Variants in CCDC149 observed in about 807,000 individuals in gnomAD.
CCDC149 encodes the protein coiled-coil domain-containing protein 149.
CCDC149 carries 45 observed loss-of-function variants against 59.9 expected under a neutral mutation model. The ratio of observed to expected loss-of-function variants is 0.75; its 90% CI spans 0.59 to 0.96. The LOEUF is 0.96. Among genes scored for constraint, CCDC149 ranks in the 40% least tolerant of loss-of-function variants. The pLI is 0.00. For missense variants in CCDC149, 584 were observed against 664.7 expected, an observed-to-expected ratio of 0.88 and a Z score of 1.33; for synonymous variants, 245 against 260.6, an observed-to-expected ratio of 0.94 and a Z score of 0.58.
intron 9 of CCDC149, among the ~76,000 whole-genome samples, chr4:24,826,431 G>A (rs1206940058): frequency 6.6e-6 from 1 of 152,178 alleles, no homozygotes; most frequent in African/African-American, 2.4e-5. Context: ...GGGATGCAGG[G>A]GTGCTACAGG....
intron 1 of CCDC149, among the ~76,000 whole-genome samples, chr4:24,877,331 G>A (rs1292339432): frequency 2.0e-5 from 3 of 152,098 alleles, no homozygotes; most frequent in Middle Eastern, 3.4e-3. Flanking sequence ...GAATACAGAC[G>A]CGTACCACCA....
chr4:24,926,197 G>A (rs952385875), intron 1 of CCDC149, among the ~76,000 whole-genome samples: 4 of 151,220 alleles, frequency 2.6e-5, no homozygotes, highest in African/African-American at 9.7e-5. Flanking sequence ...ACTCCATCTC[G>A]AAAAAAAAGA....
Position 24,836,430 on chromosome 4 carries a change from T to C in CCDC149, c.735+6A>G, listed in dbSNP as rs1234081527. 6.3e-7 allele frequency: 1 copy of C among 1,589,274 alleles called. No homozygotes were observed. The highest frequency in any genetic ancestry group is 8.6e-7 in the Non-Finnish European group (1 of 1,157,382). The stretch of plus-strand genomic sequence containing the variant: ...ATCACCATCACTGTCATCATGATTT[T>C]GCTACCTTGTATTTGGCAATGTTTG... On this transcript the variant is annotated splice_donor_region_variant and intron_variant, in intron 7 of 12. Transcript: ENST00000635206.
intron 1 of CCDC149, among the ~76,000 whole-genome samples, chr4:24,959,388 C>T (rs1359379595): frequency 6.6e-6 from 1 of 152,150 alleles, no homozygotes; most frequent in African/African-American, 2.4e-5. Context: ...TGATTATTCT[C>T]CTTGATATGA....
At chr4:24,893,221 C>T (rs2109289876) in intron 1 of CCDC149, among the ~76,000 whole-genome samples, 1 of 152,274 alleles carries the variant, frequency 6.6e-6, no homozygotes, top group South Asian at 2.1e-4. Flanking sequence ...GAAAGCCTCA[C>T]ACATGGAATG....
At chr4:24,856,880 C>G (rs1433218410) in intron 3 of CCDC149, among the ~76,000 whole-genome samples, 2 of 152,196 alleles carry the variant, frequency 1.3e-5, no homozygotes, top group Non-Finnish European at 2.9e-5. Context: ...GAGGGCCAGG[C>G]CATTGGGCAG....
At chr4:24,877,067 C>T (rs73250611) in intron 1 of CCDC149, among the ~76,000 whole-genome samples, 11,774 of 152,130 alleles carry the variant, frequency 0.077, 468 homozygotes, top group Middle Eastern at 0.095. Flanking sequence ...TAAAATGTTA[C>T]TAACGATAAA....
intron 9 of CCDC149, among the ~76,000 whole-genome samples, chr4:24,824,947 G>C (rs1715630033): frequency 6.6e-6 from 1 of 152,236 alleles, no homozygotes; most frequent in South Asian, 2.1e-4. Context: ...AAATGGCAAA[G>C]AGGATCTCTG....
chr4:24,808,359 A>T lies in CCDC149; in HGVS notation c.*30T>A. The T allele has an allele frequency of 6.3e-6, 9 of 1,435,864 alleles. No homozygotes were observed. Among genetic ancestry groups the T allele is most frequent in the Non-Finnish European group, 8.2e-6 (9 of 1,091,802 alleles). 88.9% of individuals were successfully genotyped at this position (1,435,864 alleles called of 1,614,324 possible). On this transcript the variant is annotated 3_prime_UTR_variant, in exon 13 of 13. Transcript: ENST00000635206. ...TTCTTGACCCTCTCTGGGGCTTTCA[A>T]TGTGTCATTGTGTCAGATCCCTCTC...
chr4:24,906,728 C>A, intron 1 of CCDC149, among the ~76,000 whole-genome samples: 1 of 152,082 alleles, frequency 6.6e-6, no homozygotes, highest in East Asian at 1.9e-4. Flanking sequence ...ACTTGCCCCA[C>A]CTTGGGCAAG....
chr4:24,951,707 G>T (rs1723296925), intron 1 of CCDC149, among the ~76,000 whole-genome samples: 1 of 152,110 alleles, frequency 6.6e-6, no homozygotes, highest in Admixed American at 6.5e-5. Flanking sequence ...TCTGTTTTGT[G>T]GCCATTTATA....
downstream of CCDC149, among the ~76,000 whole-genome samples, chr4:24,805,669 G>A (rs1714118412): frequency 6.6e-6 from 1 of 152,194 alleles, no homozygotes; most frequent in South Asian, 2.1e-4. Context: ...ACATTGCCAT[G>A]TGACATCATC....
rs773992157 is a variant in CCDC149 at position 24,807,032 on chromosome 4, G to A, written c.*1357C>T. 1 of 152,126 alleles carries A rather than the reference G, an allele frequency of 6.6e-6. No homozygotes were observed. Among genetic ancestry groups the A allele is most frequent in the Non-Finnish European group, 1.5e-5 (1 of 68,036 alleles). The allele number at this position is 152,126 out of a possible 1,614,324, so 9.4% of individuals were successfully genotyped here. A position where few individuals can be genotyped will look rare whatever the true frequency, so the allele number is the denominator to read the frequency against. ...GTGTCATGAGCCTGGTATAAACATT[G>A]AATTTTTAGGATGCATTTTCACTGA... On this transcript the variant is annotated 3_prime_UTR_variant, in exon 13 of 13. Transcript: ENST00000635206.
intron 12 of CCDC149, among the ~76,000 whole-genome samples, chr4:24,815,577 T>C (rs545930006): frequency 1.5e-3 from 228 of 152,340 alleles, no homozygotes; most frequent in African/African-American, 5.4e-3. Context: ...CTAGTCCCCC[T>C]GAAAAATTAA....
At chr4:24,972,077 C>G (rs1042499344) in intron 1 of CCDC149, among the ~76,000 whole-genome samples, 3 of 152,146 alleles carry the variant, frequency 2.0e-5, no homozygotes, top group Non-Finnish European at 4.4e-5. Flanking sequence ...ATATATAAAA[C>G]CAAGTTGTGG....
intron 12 of CCDC149, among the ~76,000 whole-genome samples, chr4:24,813,833 G>C (rs1714833695): frequency 6.6e-6 from 1 of 152,062 alleles, no homozygotes; most frequent in South Asian, 2.1e-4. Flanking sequence ...TGAAATCAGA[G>C]GGACTTTAAG....
At position 24,945,624 on chromosome 4, in the gene CCDC149, C is replaced by CTTT. The variant is rs33977689; in HGVS notation, c.-65+34442_-65+34444dup. The stretch of plus-strand genomic sequence containing the variant: ...TATGATAATTTGTTATATGCCCTAA[C>CTTT]TTTTTTTTTTTTTTTTAGTTGAAGT... On this transcript the variant is annotated intron_variant, in intron 1 of 12. Coordinates refer to the CCDC149 transcript ENST00000389609. Among the ~76,000 whole-genome samples, 383 of 141,790 alleles carry CTTT rather than the reference C, an allele frequency of 2.7e-3. 1 individual carries two copies. The highest frequency in any genetic ancestry group is 7.1e-3 in the African/African-American group (271 of 38,072). The allele number at this position is 141,790 out of a possible 152,430, so 93.0% of individuals were successfully genotyped here. A position where few individuals can be genotyped will look rare whatever the true frequency, so the allele number is the denominator to read the frequency against.
rs1375485094 is a variant in CCDC149 at position 24,831,571 on chromosome 4, T to G, written c.900A>C (p.Ala300=). Reference sequence around the variant, plus strand: ...CGTGGATTGTTTCCAACAGGGCTGTTGCCAGAGATTTCAGGTCAGAAATGG... The same window carrying G: ...CGTGGATTGTTTCCAACAGGGCTGTGGCCAGAGATTTCAGGTCAGAAATGG... The change falls in exon 9 of 13, where the codon GCA becomes GCC. Residue 300 remains alanine (A), a synonymous_variant. Transcript: ENST00000635206. 1 of 1,613,990 alleles carries G rather than the reference T, an allele frequency of 6.2e-7. No homozygotes were observed. The highest frequency in any genetic ancestry group is 8.5e-7 in the Non-Finnish European group (1 of 1,180,020).
intron 12 of CCDC149, among the ~76,000 whole-genome samples, chr4:24,815,471 T>C (rs1714951564): frequency 6.6e-6 from 1 of 152,180 alleles, no homozygotes; most frequent in South Asian, 2.1e-4. Context: ...TACGGTACTT[T>C]CAGCAGCTAA....
Sources: gnomAD v4.1 joint callset for allele counts (sites outside exome capture counted in the v4.1 genomes callset) on GRCh38, gnomAD v4.1.1 for gene constraint, MANE v1.5 for transcripts, NCBI Gene and HGNC (gene_info 2026-07-23, HGNC 2026-07-21) for gene names.